The following IKZF2 variants were observed in gnomAD, a reference collection of about 807,000 sequenced individuals.
The protein encoded by IKZF2 is zinc finger protein Helios.
IKZF2 carries 15 observed loss-of-function variants against 49.2 expected under a neutral mutation model. The observed-to-expected ratio is 0.30, with a 90% CI of 0.20 to 0.47. The LOEUF (loss-of-function observed/expected upper bound fraction) is 0.47, where lower values mean the gene tolerates loss of function less well. IKZF2 is among the 20% of genes least tolerant of loss of function. IKZF2 has a pLI of 1.00. For synonymous variants in IKZF2, 227 were observed against 221.4 expected (o/e 1.03, Z -0.23); for missense variants, 567 against 664.6 (o/e 0.85, Z 1.61).
intron 1 of IKZF2, 27 bp downstream of exon 1, chr2:213,151,386 C>A (rs1014901155): frequency 6.6e-6 from 1 of 152,420 alleles, no homozygotes; most frequent in African/African-American, 2.4e-5. Flanking sequence ...CTGTTCTTCA[C>A]CACGCAAAAG....
chr2:213,104,187 A>G (rs982232638), intron 4 of IKZF2, among the ~76,000 whole-genome samples: 1 of 151,770 alleles, frequency 6.6e-6, no homozygotes, highest in African/African-American at 2.4e-5. Context: ...TTACCGCACA[A>G]GTGTTTTAAA....
At chr2:213,077,372 T>G (rs1330094960) in intron 4 of IKZF2, among the ~76,000 whole-genome samples, 1 of 152,148 alleles carries the variant, frequency 6.6e-6, no homozygotes, top group Non-Finnish European at 1.5e-5. Flanking sequence ...GAACTTTCTG[T>G]ATTTAAATTT....
At chr2:213,039,352 C>CATATAT (rs146082438) in intron 6 of IKZF2, among the ~76,000 whole-genome samples, 6 of 149,704 alleles carry the variant, frequency 4.0e-5, no homozygotes, top group African/African-American at 1.5e-4. Flanking sequence ...AAAGATAGTC[C>CATATAT]ATATATATAT....
intron 4 of IKZF2, among the ~76,000 whole-genome samples, chr2:213,064,457 A>T (rs529019552): frequency 2.6e-5 from 4 of 152,118 alleles, no homozygotes; most frequent in East Asian, 3.9e-4. Flanking sequence ...AAAATATCTA[A>T]CTTCCTGATG....
intron 4 of IKZF2, among the ~76,000 whole-genome samples, chr2:213,138,839 G>C (rs552557293): frequency 3.3e-5 from 5 of 151,992 alleles, no homozygotes; most frequent in Non-Finnish European, 4.4e-5. Flanking sequence ...AGACTGGTTT[G>C]GTGTTTTTTT....
chr2:213,082,247 T>G (rs1704034441), intron 4 of IKZF2, among the ~76,000 whole-genome samples: 1 of 152,198 alleles, frequency 6.6e-6, no homozygotes. Context: ...AAAACTATTG[T>G]GCTAAGTTTG....
At chr2:213,015,465 C>G (rs74583976) in intron 7 of IKZF2, among the ~76,000 whole-genome samples, 1,761 of 152,092 alleles carry the variant, frequency 0.012, 23 homozygotes, top group Middle Eastern at 0.031. Flanking sequence ...ACATTATATT[C>G]TCTTTTAGTA....
At chr2:213,122,791 A>T (rs571381214) in intron 4 of IKZF2, among the ~76,000 whole-genome samples, 1 of 152,218 alleles carries the variant, frequency 6.6e-6, no homozygotes, top group Admixed American at 6.5e-5. Flanking sequence ...ATCAAAAGAA[A>T]CTCCAATCCT....
chr2:213,045,017 A>T (rs181704368), intron 6 of IKZF2, among the ~76,000 whole-genome samples: 8 of 152,356 alleles, frequency 5.3e-5, no homozygotes, highest in Admixed American at 5.2e-4. Context: ...ATATTATTTC[A>T]ACATGTAGCA....
chr2:213,090,705 C>T (rs1190895173), intron 4 of IKZF2, among the ~76,000 whole-genome samples: 2 of 152,092 alleles, frequency 1.3e-5, no homozygotes, highest in African/African-American at 4.8e-5. Context: ...TAGACAGAGA[C>T]ATGCATATGG....
At position 213,095,261 on chromosome 2, in the gene IKZF2, T is replaced by C. The variant is rs1042454882; in HGVS notation, c.140-38162A>G. ...GTAAATTAAAATTGGCCAAAACATA[T>C]CATTAAATTAAAAATTAGAATGTTA... On this transcript the variant is annotated intron_variant, in intron 4 of 8. Coordinates refer to ENST00000434687, the MANE Select transcript of IKZF2 (RefSeq NM_001387220.1). 2.6e-5 allele frequency among the ~76,000 whole-genome samples: 4 copies of C among 152,172 alleles called. No homozygotes were observed. In the South Asian group the frequency reaches 8.3e-4, roughly 32 times the overall value.
chr2:213,044,923 T>G (rs7585103), intron 6 of IKZF2, among the ~76,000 whole-genome samples: 54,186 of 151,962 alleles, frequency 0.36, 9,801 homozygotes, highest in African/African-American at 0.37. Flanking sequence ...GGGATGGTAG[T>G]ATCTTCTCCC....
chr2:213,007,927 C>A lies in IKZF2; in HGVS notation c.1014G>T (p.Gln338His). The change falls in exon 9 of 9, where the codon CAG becomes CAT. Residue 338 changes from glutamine to histidine, a missense_variant. Gln to His is a conservative substitution (Grantham distance 24, BLOSUM62 0). Coordinates refer to ENST00000434687, the MANE Select transcript of IKZF2 (RefSeq NM_001387220.1). Reference protein sequence around the residue: ...LGAEALHPLMQHPPSTIAEVA... With the variant: ...LGAEALHPLMHHPPSTIAEVA... ...CTTCAGCGATTGTGCTTGGCGGGTG[C>A]TGCATCAGAGGGTGAAGGGCCTCAG... The A allele has an allele frequency of 6.2e-7, 1 of 1,613,528 alleles. No individual in the cohort carries two copies. Among genetic ancestry groups the A allele is most frequent in the Non-Finnish European group, 8.5e-7 (1 of 1,179,706 alleles).
At chr2:213,091,980 T>A (rs560014767) in intron 4 of IKZF2, among the ~76,000 whole-genome samples, 3 of 151,770 alleles carry the variant, frequency 2.0e-5, no homozygotes, top group African/African-American at 7.2e-5. Context: ...GTTTATTATA[T>A]TTTTATTAAT....
At chr2:213,081,655 G>C (rs979416051) in intron 4 of IKZF2, among the ~76,000 whole-genome samples, 1 of 152,166 alleles carries the variant, frequency 6.6e-6, no homozygotes, top group East Asian at 1.9e-4. Context: ...TCCCAGAAGG[G>C]GGAATAACAT....
In IKZF2 at chr2:213,148,607, C is replaced by G; in HGVS notation, c.23G>C (p.Gly8Ala). METEAIDGYITCDNELSP... is the reference protein window; with the variant it reads METEAIDAYITCDNELSP... ...AAACTAATACTTACACGTTATATAG[C>G]CATCAATAGCCTCTGTTTCCATAGT... Residue 8 changes from glycine to alanine, a missense_variant, in exon 3 of 9, where the codon GGC (glycine) becomes GCC (alanine). By Grantham distance (60) the Gly-to-Ala change is moderately conservative. This residue lies in a region of IKZF2 where 156 missense variants were observed against 138.5 expected (regional missense o/e 1.13). Transcript: ENST00000434687. 1.2e-6 allele frequency: 2 copies of G among 1,611,244 alleles called. No homozygotes were observed. Among genetic ancestry groups the G allele is most frequent in the East Asian group, 2.2e-5 (1 of 44,816 alleles).
At chr2:213,126,831 A>G (rs1027014934) in intron 4 of IKZF2, among the ~76,000 whole-genome samples, 7 of 152,194 alleles carry the variant, frequency 4.6e-5, no homozygotes, top group African/African-American at 1.7e-4. Context: ...GTACACATTT[A>G]TAACAGTGAA....
intron 4 of IKZF2, among the ~76,000 whole-genome samples, chr2:213,119,387 C>T (rs1256194414): frequency 2.0e-5 from 3 of 151,686 alleles, no homozygotes; most frequent in Non-Finnish European, 4.4e-5. Flanking sequence ...TAGGTCAGCT[C>T]GACAAAGAGC....
In IKZF2 at chr2:213,000,378, A is replaced by G. The variant is rs1023156151; in HGVS notation, c.*6982T>C. 9 of 151,182 alleles carry G rather than the reference A, an allele frequency of 6.0e-5. No homozygotes were observed. Among genetic ancestry groups the G allele is most frequent in the Non-Finnish European group, 8.9e-5 (6 of 67,384 alleles). 9.4% of individuals were successfully genotyped at this position (151,182 alleles called of 1,614,324 possible). A position where few individuals can be genotyped will look rare whatever the true frequency, so the allele number is the denominator to read the frequency against. On this transcript the variant is annotated 3_prime_UTR_variant, in exon 9 of 9. Transcript: ENST00000434687. ...TTTCTTTTTTTGCTTCTAAAACACA[A>G]AATACCCTAGAAACTGTCAAGCAAT...
Sources: allele counts gnomAD v4.1 joint callset (sites outside exome capture counted in the v4.1 genomes callset), GRCh38; gene constraint gnomAD v4.1.1; regional missense constraint gnomAD v4.1.1; transcripts MANE v1.5; gene names NCBI Gene and HGNC (gene_info 2026-07-23, HGNC 2026-07-21).